ZHX2: variants seen among roughly 807,000 people sequenced by gnomAD.
The protein encoded by ZHX2 is zinc fingers and homeoboxes 2, also known as zinc fingers and homeoboxes protein 2.
A neutral mutation model predicts 21.9 loss-of-function variants in ZHX2; 6 were observed. That is an observed-to-expected ratio of 0.27 (90% CI 0.15 to 0.54). The LOEUF (loss-of-function observed/expected upper bound fraction) is 0.54. ZHX2 is among the 20% of genes least tolerant of loss of function. The probability of loss-of-function intolerance (pLI) is 0.95; values close to 1 mark genes in which losing one functional copy is unlikely to be tolerated. For synonymous variants in ZHX2, 434 were observed against 437.1 expected, an observed-to-expected ratio of 0.99 and a Z score of 0.09; for missense variants, 908 against 1,090.7, an observed-to-expected ratio of 0.83 and a Z score of 2.36.
intron 1 of ZHX2, among the ~76,000 whole-genome samples, chr8:122,850,975 T>C (rs1433356260): frequency 2.0e-5 from 3 of 152,154 alleles, no homozygotes; most frequent in African/African-American, 7.2e-5. Context: ...CCACCTGTTT[T>C]GGCATTTGCG....
chr8:122,949,796 A>G (rs534870654), intron 2 of ZHX2, among the ~76,000 whole-genome samples: 1 of 152,288 alleles, frequency 6.6e-6, no homozygotes, highest in African/African-American at 2.4e-5. Context: ...ACTTGAGCCC[A>G]GGAGATGGAG....
intron 1 of ZHX2, among the ~76,000 whole-genome samples, chr8:122,831,185 A>G (rs1257790721): frequency 1.3e-5 from 2 of 152,220 alleles, no homozygotes; most frequent in Non-Finnish European, 2.9e-5. Flanking sequence ...GACAAAGACT[A>G]GAAGATAGCA....
At chr8:122,863,891 G>A (rs539893924) in intron 2 of ZHX2, among the ~76,000 whole-genome samples, 1 of 152,242 alleles carries the variant, frequency 6.6e-6, no homozygotes, top group South Asian at 2.1e-4. Flanking sequence ...CAGAGAGGGA[G>A]CTATCTGGCT....
chr8:122,886,821 A>C (rs1819851831), intron 2 of ZHX2, among the ~76,000 whole-genome samples: 2 of 152,202 alleles, frequency 1.3e-5, no homozygotes, highest in South Asian at 4.1e-4. Context: ...GCTGTTCCCT[A>C]ATGAGCACTT....
chr8:122,864,508 G>C (rs1422347814), intron 2 of ZHX2, among the ~76,000 whole-genome samples: 2 of 152,068 alleles, frequency 1.3e-5, no homozygotes, highest in Non-Finnish European at 2.9e-5. Context: ...AGGCTCTGGG[G>C]AGCCTATCTC....
At chr8:122,853,935 C>G (rs1242177793) in intron 1 of ZHX2, among the ~76,000 whole-genome samples, 3 of 152,204 alleles carry the variant, frequency 2.0e-5, no homozygotes, top group Non-Finnish European at 2.9e-5. Flanking sequence ...ACACATCACT[C>G]CAGCACAACA....
intron 2 of ZHX2, among the ~76,000 whole-genome samples, chr8:122,936,806 G>C (rs1431924827): frequency 6.6e-6 from 1 of 152,206 alleles, no homozygotes; most frequent in African/African-American, 2.4e-5. Flanking sequence ...ATAGCCACTG[G>C]TGCCTCTTGG....
At chr8:122,873,801 C>G (rs1819503082) in intron 2 of ZHX2, among the ~76,000 whole-genome samples, 1 of 152,172 alleles carries the variant, frequency 6.6e-6, no homozygotes, top group Non-Finnish European at 1.5e-5. Flanking sequence ...GAGAATCCAT[C>G]TTCTTGCTTC....
chr8:122,902,363 G>A lies in ZHX2; in HGVS notation c.-220+38824G>A, dbSNP rs533559063. Reference sequence around the variant, plus strand: ...AATGGTTTTTAGTGACATTGCCTGGGTTCAAATCCTGGGTTCAAAAACAGC... The same window carrying A: ...AATGGTTTTTAGTGACATTGCCTGGATTCAAATCCTGGGTTCAAAAACAGC... On this transcript the variant is annotated intron_variant, in intron 2 of 3. Coordinates refer to ENST00000314393, the MANE Select transcript of ZHX2 (RefSeq NM_014943.5). Among the ~76,000 whole-genome samples, 7 of 152,330 alleles carry A rather than the reference G, an allele frequency of 4.6e-5. No homozygotes were observed. The South Asian group carries it at 6.2e-4, about 14-fold the overall frequency.
At chr8:122,861,427 G>C (rs964177338) in intron 1 of ZHX2, among the ~76,000 whole-genome samples, 3 of 152,174 alleles carry the variant, frequency 2.0e-5, no homozygotes, top group Non-Finnish European at 1.5e-5. Flanking sequence ...ATGACTCACT[G>C]ATAAGTCAAG....
intron 2 of ZHX2, among the ~76,000 whole-genome samples, chr8:122,893,229 G>A (rs1054889193): frequency 2.6e-5 from 4 of 152,116 alleles, no homozygotes; most frequent in Non-Finnish European, 5.9e-5. Flanking sequence ...TCTTATATGT[G>A]AGTTGATGCT....
At position 122,781,808 on chromosome 8, in the gene ZHX2, T is replaced by C. The variant is rs922590015; in HGVS notation, c.-421T>C. The C allele has an allele frequency of 6.6e-6, 1 of 152,268 alleles. No homozygotes were observed. The highest frequency in any genetic ancestry group is 1.5e-5 in the Non-Finnish European group (1 of 67,966). 9.4% of individuals were successfully genotyped at this position (152,268 alleles called of 1,614,324 possible). On this transcript the variant is annotated 5_prime_UTR_variant, in exon 1 of 4. Coordinates refer to ENST00000314393, the MANE Select transcript of ZHX2 (RefSeq NM_014943.5). The surrounding 1 kb of genome is among the most constrained non-coding windows in gnomAD (Gnocchi z 4.6). ...GGCTGGCAGGCTGGCTTTCCCCCTC[T>C]TTCCCACGGAGCCCGAGCCGGGCGC...
intron 2 of ZHX2, among the ~76,000 whole-genome samples, chr8:122,922,303 G>C (rs1326535936): frequency 6.6e-6 from 1 of 150,588 alleles, no homozygotes; most frequent in African/African-American, 2.4e-5. Flanking sequence ...AGGAAAAAAA[G>C]AAAAAAATAG....
At chr8:122,780,442 G>C (rs1817253629), upstream of ZHX2, 1 of 152,326 alleles carries the variant, frequency 6.6e-6, no homozygotes, top group Non-Finnish European at 1.5e-5. Context: ...GTCCCCGCCC[G>C]GGAGCTGCCC....
chr8:122,785,992 T>C (rs1817388022), intron 1 of ZHX2, among the ~76,000 whole-genome samples: 1 of 152,222 alleles, frequency 6.6e-6, no homozygotes, highest in African/African-American at 2.4e-5. Flanking sequence ...TAAAACGAGT[T>C]CTGCAAAGTT....
chr8:122,951,299 G>A lies in ZHX2; in HGVS notation c.-212G>A, dbSNP rs1563600599. 3 of 560,822 alleles carry A rather than the reference G, an allele frequency of 5.3e-6. No homozygotes were observed. The highest frequency in any genetic ancestry group is 6.4e-6 in the Non-Finnish European group (2 of 314,932). 34.7% of individuals were successfully genotyped at this position (560,822 alleles called of 1,614,324 possible). ...CTTTGTTCTTGTCCACAGATATGAT[G>A]CTTCCTGGTGTGTTTAGTGGTTGGT... On this transcript the variant is annotated 5_prime_UTR_variant, in exon 3 of 4. The change abolishes an upstream ATG in the 5' untranslated region. Transcript: ENST00000314393.
chr8:122,780,848 G>T (rs1330187201), upstream of ZHX2: 1 of 152,208 alleles, frequency 6.6e-6, no homozygotes, highest in Non-Finnish European at 1.5e-5. Context: ...CTCTACCAGA[G>T]TTTAAGTCGG....
intron 1 of ZHX2, among the ~76,000 whole-genome samples, chr8:122,841,551 G>A (rs538784710): frequency 2.0e-5 from 3 of 152,218 alleles, no homozygotes; most frequent in Admixed American, 2.0e-4. Flanking sequence ...CGGGGGTTGG[G>A]GGGCAATCCA....
At chr8:122,901,665 T>C (rs1820233764) in intron 2 of ZHX2, among the ~76,000 whole-genome samples, 2 of 152,178 alleles carry the variant, frequency 1.3e-5, no homozygotes, top group Admixed American at 1.3e-4. Flanking sequence ...TCCAGATCTC[T>C]CAGCCTCAAC....
Sources: gnomAD v4.1 joint callset for allele counts (sites outside exome capture counted in the v4.1 genomes callset) on GRCh38, gnomAD v4.1.1 for gene constraint, Gnocchi (gnomAD v3.1) non-coding constraint, MANE v1.5 for transcripts, NCBI Gene and HGNC (gene_info 2026-07-23, HGNC 2026-07-21) for gene names.